Variants in LOXL2 observed in about 807,000 individuals in gnomAD.
The protein encoded by LOXL2 is lysyl oxidase like 2, also known as lysyl oxidase homolog 2.
LOXL2 carries 70 observed loss-of-function variants against 93.0 expected under a neutral mutation model. The observed-to-expected ratio is 0.75, with a 90% CI of 0.62 to 0.92. The LOEUF (loss-of-function observed/expected upper bound fraction) is 0.92. Among genes scored for constraint, LOXL2 ranks in the 40% least tolerant of loss-of-function variants. LOXL2 has a pLI of 0.00. For missense variants in LOXL2, 973 were observed against 1,054.9 expected, an observed-to-expected ratio of 0.92 and a Z score of 1.08; for synonymous variants, 438 against 413.2, an observed-to-expected ratio of 1.06 and a Z score of -0.73.
At position 23,368,023 on chromosome 8, in the gene LOXL2, G is replaced by C. The variant is rs1182708542; in HGVS notation, c.329C>G (p.Ala110Gly). 1.1e-5 allele frequency: 17 copies of C among 1,613,368 alleles called. No homozygotes were observed. The East Asian group carries it at 3.8e-4, about 36-fold the overall frequency. The part of the protein sequence containing the change: ...LGYVEAKSWT[A>G]SSSYGKGEGP... Reference sequence around the variant, plus strand: ...TTCTCCCTTGCCGTAGGAGGAGCTGGCAGTCCAGGACTTGGCCTCCACGTA... The same window carrying C: ...TTCTCCCTTGCCGTAGGAGGAGCTGCCAGTCCAGGACTTGGCCTCCACGTA... The change falls in exon 2 of 14, where the codon GCC becomes GGC. Residue 110 changes from alanine (A) to glycine (G), a missense_variant. Transcript: ENST00000389131.
At chr8:23,379,673 C>A (rs1339833002) in intron 1 of LOXL2, among the ~76,000 whole-genome samples, 6 of 152,078 alleles carry the variant, frequency 3.9e-5, no homozygotes, top group Admixed American at 1.3e-4. Context: ...TGCCTCCTTG[C>A]AGTTCGATCT....
intron 8 of LOXL2, among the ~76,000 whole-genome samples, chr8:23,318,937 C>T (rs1803449598): frequency 6.6e-6 from 1 of 152,226 alleles, no homozygotes; most frequent in South Asian, 2.1e-4. Flanking sequence ...CCCACCCAGC[C>T]CATGGGAGAC....
intron 1 of LOXL2, among the ~76,000 whole-genome samples, chr8:23,371,927 T>C (rs1475275977): frequency 1.3e-5 from 2 of 152,058 alleles, no homozygotes; most frequent in African/African-American, 4.8e-5. Flanking sequence ...GTTGTAATCT[T>C]TATAGGAATC....
chr8:23,301,295 A>G (rs1296695546), intron 12 of LOXL2, among the ~76,000 whole-genome samples: 2 of 152,218 alleles, frequency 1.3e-5, no homozygotes, highest in African/African-American at 4.8e-5. Context: ...CACTAGGGAC[A>G]CAATGCCCCT....
At chr8:23,377,059 T>C (rs1394261433) in intron 1 of LOXL2, among the ~76,000 whole-genome samples, 8 of 152,218 alleles carry the variant, frequency 5.3e-5, no homozygotes, top group Non-Finnish European at 1.0e-4. Flanking sequence ...TCTTTCCTGC[T>C]TTCTCTTGTG....
chr8:23,342,320 C>CA (rs1407357755), intron 3 of LOXL2, among the ~76,000 whole-genome samples: 6 of 152,318 alleles, frequency 3.9e-5, no homozygotes, highest in Admixed American at 1.3e-4. Context: ...GAAGCTCCCC[C>CA]CTAAATCACT....
intron 1 of LOXL2, among the ~76,000 whole-genome samples, chr8:23,374,756 A>C (rs549076419): frequency 6.6e-6 from 1 of 152,294 alleles, no homozygotes; most frequent in African/African-American, 2.4e-5. Context: ...TTCTTTTGAG[A>C]AGTGTCTGTT....
chr8:23,360,276 C>T lies in LOXL2; in HGVS notation c.356-11G>A. 1.3e-6 allele frequency: 2 copies of T among 1,585,958 alleles called. No individual in the cohort carries two copies. Among genetic ancestry groups the T allele is most frequent in the Non-Finnish European group, 1.7e-6 (2 of 1,158,674 alleles). Reference sequence around the variant, plus strand: ...CTAACCAGATGGGCCCTGAAGGAGGCAGAGAGGAGAGAAACCAAGTGCTGC... The same window carrying T: ...CTAACCAGATGGGCCCTGAAGGAGGTAGAGAGGAGAGAAACCAAGTGCTGC... On this transcript the variant is annotated splice_polypyrimidine_tract_variant and intron_variant, in intron 2 of 13. Transcript: ENST00000389131.
intron 7 of LOXL2, 129 bp downstream of exon 7, chr8:23,322,001 G>A (rs13272093): frequency 0.73 from 756,899 of 1,034,256 alleles, 278,839 homozygotes; most frequent in Non-Finnish European, 0.76. Context: ...CATTGCAAAT[G>A]CCAAGTGGCA....
intron 1 of LOXL2, among the ~76,000 whole-genome samples, chr8:23,374,548 T>C (rs1804554591): frequency 6.6e-6 from 1 of 152,246 alleles, no homozygotes; most frequent in African/African-American, 2.4e-5. Context: ...ATGGTTGAAC[T>C]AGTTTACAGT....
In LOXL2 at chr8:23,333,437, G is replaced by C; in HGVS notation, c.930C>G (p.Asp310Glu). ...ACGCTTTCCGGAATCTTGAGGGTCC[G>C]TCAGGGCTGAAGACCTGCCCAGGCA... ...SCVPGQVFSP[D>E]GPSRFRKAYK... The change falls in exon 5 of 14, where the codon GAC becomes GAG. Residue 310 changes from aspartate to glutamate, a missense_variant. Physicochemically the swap from Asp to Glu is conservative, Grantham distance 45 (BLOSUM62 2). Transcript: ENST00000389131. 1.2e-6 allele frequency: 2 copies of C among 1,613,866 alleles called. No individual in the cohort carries two copies. Among genetic ancestry groups the C allele is most frequent in the African/African-American group, 1.3e-5 (1 of 75,050 alleles).
In LOXL2 at chr8:23,379,123, G is replaced by C. The variant is rs1804635696; in HGVS notation, c.-83-10689C>G. 1.3e-5 allele frequency among the ~76,000 whole-genome samples: 2 copies of C among 152,180 alleles called. 1 individual carries two copies. Among genetic ancestry groups the C allele is most frequent in the South Asian group, 4.1e-4 (2 of 4,834 alleles). ...ACAGATGGGGTTTTGTGGTGTGGTTGACTTTTATGTTTGTTAGTTTTCCTT... is the reference window on the plus strand; with the variant it reads ...ACAGATGGGGTTTTGTGGTGTGGTTCACTTTTATGTTTGTTAGTTTTCCTT... On this transcript the variant is annotated intron_variant, in intron 1 of 13. Coordinates refer to ENST00000389131, the MANE Select transcript of LOXL2 (RefSeq NM_002318.3).
intron 1 of LOXL2, among the ~76,000 whole-genome samples, chr8:23,398,459 T>C (rs780083110): frequency 9.2e-5 from 14 of 152,196 alleles, no homozygotes; most frequent in Non-Finnish European, 1.2e-4. Context: ...GTATCCCAAG[T>C]GAAGGGATCA....
At chr8:23,332,555 C>T (rs1324055535) in intron 5 of LOXL2, among the ~76,000 whole-genome samples, 9 of 119,822 alleles carry the variant, frequency 7.5e-5, no homozygotes, top group Non-Finnish European at 1.6e-4. Flanking sequence ...CACACACCCA[C>T]ACTCATACAC....
chr8:23,400,846 C>G (rs980272237), intron 1 of LOXL2, among the ~76,000 whole-genome samples: 2 of 152,206 alleles, frequency 1.3e-5, no homozygotes, highest in Admixed American at 6.5e-5. Flanking sequence ...GAGAGGGCAG[C>G]TCTGAGCCCT....
rs1301749233 is a variant in LOXL2, at chr8:23,303,513, G to A, written c.1881-116C>T. ...TACTTCCAGGGGACCAGAGGGGGCC[G>A]GGTGGGGAGAGGAGTGGATGAGAGG... On this transcript the variant is annotated intron_variant, in intron 10 of 13. Coordinates refer to ENST00000389131, the MANE Select transcript of LOXL2 (RefSeq NM_002318.3). 1.8e-5 allele frequency: 12 copies of A among 662,106 alleles called. 1 individual carries two copies. Among genetic ancestry groups the A allele is most frequent in the South Asian group, 6.9e-5 (4 of 58,338 alleles). The allele number at this position is 662,106 out of a possible 1,614,324, so 41.0% of individuals were successfully genotyped here. A position where few individuals can be genotyped will look rare whatever the true frequency, so the allele number is the denominator to read the frequency against.
At chr8:23,332,170 ACT>A (rs1283231958) in intron 5 of LOXL2, among the ~76,000 whole-genome samples, 47 of 149,496 alleles carry the variant, frequency 3.1e-4, no homozygotes, top group African/African-American at 9.4e-4. Context: ...ACACACTCAC[ACT>A]CTCTCACACA....
intron 11 of LOXL2, among the ~76,000 whole-genome samples, chr8:23,302,422 T>C (rs1450264242): frequency 6.6e-6 from 1 of 152,184 alleles, no homozygotes; most frequent in African/African-American, 2.4e-5. Flanking sequence ...CACCCTGGCC[T>C]TTCTGTGACA....
At chr8:23,354,949 ATTTTTTTTTTTTTT>A (rs60819350) in intron 3 of LOXL2, among the ~76,000 whole-genome samples, 1 of 77,676 alleles carries the variant, frequency 1.3e-5, no homozygotes, top group South Asian at 5.1e-4. Context: ...ATATATATAT[ATTTTTTTTTTTTTT>A]TTTTTTTTTT....
Sources: allele counts gnomAD v4.1 joint callset (sites outside exome capture counted in the v4.1 genomes callset), GRCh38; gene constraint gnomAD v4.1.1; transcripts MANE v1.5; gene names NCBI Gene and HGNC (gene_info 2026-07-23, HGNC 2026-07-21).